Variants in NOS1 observed in about 807,000 individuals in gnomAD.
NOS1 encodes nitric oxide synthase 1.
NOS1 carries 51 observed loss-of-function variants against 164.5 expected under a neutral mutation model. The observed-to-expected ratio is 0.31, with a 90% CI of 0.25 to 0.39. NOS1 has a LOEUF of 0.39. NOS1 is among the 10% of genes least tolerant of loss of function. The pLI, the probability that NOS1 is intolerant of heterozygous loss-of-function variation, is 1.00. For missense variants in NOS1, 1,362 were observed against 1,885.6 expected, an observed-to-expected ratio of 0.72 and a Z score of 5.14; for synonymous variants, 719 against 745.8, an observed-to-expected ratio of 0.96 and a Z score of 0.59.
intron 3 of NOS1, among the ~76,000 whole-genome samples, chr12:117,290,785 T>C (rs1872998693): frequency 6.6e-6 from 1 of 152,104 alleles, no homozygotes; most frequent in South Asian, 2.1e-4. Context: ...ATCAGCCTCT[T>C]TGAATGATAA....
chr12:117,224,155 C>G (rs1868433435), intron 25 of NOS1, among the ~76,000 whole-genome samples: 1 of 152,182 alleles, frequency 6.6e-6, no homozygotes, highest in South Asian at 2.1e-4. Context: ...ATAATCATCC[C>G]TCAAATCAAT....
rs774790706 is a variant in NOS1, at chr12:117,208,472, C to A, written c.*6837G>T. 7.9e-7 allele frequency: 1 copy of A among 1,271,124 alleles called. No individual in the cohort carries two copies. Among genetic ancestry groups the A allele is most frequent in the East Asian group, 5.6e-5 (1 of 17,710 alleles). The allele number at this position is 1,271,124 out of a possible 1,614,324, so 78.7% of individuals were successfully genotyped here. On this transcript the variant is annotated 3_prime_UTR_variant, in exon 29 of 29. Coordinates refer to ENST00000317775, the MANE Select transcript of NOS1 (RefSeq NM_000620.5). ...CCTCCCCAGCTTCCCAAGCCCGGAA[C>A]GGACACTGCGACGTGGGGTGCCCGG...
Position 117,330,319 on chromosome 12 carries a change from C to CAT in NOS1, c.725+25_725+26insAT. ...AAGCATGCACACACACACACACACACACACACACACCCCTGTGGAGCTTAC... is the reference window on the plus strand; with the variant it reads ...AAGCATGCACACACACACACACACACATACACACACACCCCTGTGGAGCTTAC... On this transcript the variant is annotated intron_variant, in intron 2 of 28. Coordinates refer to ENST00000317775, the MANE Select transcript of NOS1 (RefSeq NM_000620.5). The surrounding 1 kb of genome is among the most constrained non-coding windows in gnomAD (Gnocchi z 4.6). The CAT allele has an allele frequency of 6.3e-7, 1 of 1,592,284 alleles. No homozygotes were observed. The highest frequency in any genetic ancestry group is 8.6e-7 in the Non-Finnish European group (1 of 1,168,042).
intron 13 of NOS1, among the ~76,000 whole-genome samples, chr12:117,260,837 TC>T: frequency 6.6e-6 from 1 of 152,200 alleles, no homozygotes. Context: ...TTTTTTAACT[TC>T]TCTAGAGATA....
intron 16 of NOS1, 119 bp downstream of exon 16, chr12:117,258,278 C>T (rs968732930): frequency 3.0e-6 from 3 of 1,008,608 alleles, no homozygotes; most frequent in Non-Finnish European, 4.6e-6. Flanking sequence ...AGACCCATTA[C>T]AAATGGACTT....
At chr12:117,269,809 C>A (rs1872673076) in intron 10 of NOS1, among the ~76,000 whole-genome samples, 1 of 152,172 alleles carries the variant, frequency 6.6e-6, no homozygotes, top group South Asian at 2.1e-4. Context: ...AGTGCATCAT[C>A]TGCTTTCTAG....
chr12:117,215,438 C>CTTTTT (rs149003143), intron 28 of NOS1, 114 bp from the exon 29 acceptor site: 2 of 1,007,934 alleles, frequency 2.0e-6, no homozygotes, highest in Non-Finnish European at 2.5e-6. Flanking sequence ...TTGTCTCTTT[C>CTTTTT]TTTTTTTTTT....
At chr12:117,344,069 A>G (rs574417288) in intron 1 of NOS1, among the ~76,000 whole-genome samples, 1 of 152,306 alleles carries the variant, frequency 6.6e-6, no homozygotes, top group South Asian at 2.1e-4. Context: ...AAAGATCAAG[A>G]CTCTTCAATT....
At chr12:117,253,309 C>A (rs535954302) in intron 17 of NOS1, among the ~76,000 whole-genome samples, 13 of 151,940 alleles carry the variant, frequency 8.6e-5, no homozygotes, top group Non-Finnish European at 1.6e-4. Context: ...AAGTATACAC[C>A]GTAGCTATTG....
At chr12:117,263,717 C>T (rs1049473902) in intron 13 of NOS1, among the ~76,000 whole-genome samples, 172 bp downstream of exon 13, 5 of 151,678 alleles carry the variant, frequency 3.3e-5, no homozygotes, top group East Asian at 3.9e-4. Context: ...AGAGTTGGAA[C>T]GACATTCACA....
intron 20 of NOS1, among the ~76,000 whole-genome samples, chr12:117,236,134 G>A (rs1869687898): frequency 6.6e-6 from 1 of 152,104 alleles, no homozygotes; most frequent in African/African-American, 2.4e-5. Context: ...CTCGAGGATC[G>A]ATTACACTTT....
intron 1 of NOS1, among the ~76,000 whole-genome samples, chr12:117,358,196 T>G (rs1422706898): frequency 6.6e-6 from 1 of 152,226 alleles, no homozygotes; most frequent in Non-Finnish European, 1.5e-5. Flanking sequence ...CCTCCAAATC[T>G]TCCTGCCTCC....
At chr12:117,293,226 G>T (rs1341242098) in intron 3 of NOS1, among the ~76,000 whole-genome samples, 1 of 152,086 alleles carries the variant, frequency 6.6e-6, no homozygotes, top group African/African-American at 2.4e-5. Context: ...AAGAGTGCAG[G>T]CTGTGGCAGC....
rs912663660 is a variant in NOS1, at chr12:117,213,787, A to G, written c.*1522T>C. On this transcript the variant is annotated 3_prime_UTR_variant, in exon 29 of 29. Coordinates refer to ENST00000317775, the MANE Select transcript of NOS1 (RefSeq NM_000620.5). ...GGACCCTGCAGTCTGGGAGGCCACT[A>G]GGATTTCTTGTCTCTTTCTGGGAAC... The G allele has an allele frequency of 8.1e-6, 8 of 985,278 alleles. No homozygotes were observed. Among genetic ancestry groups the G allele is most frequent in the East Asian group, 2.3e-4 (2 of 8,820 alleles). 61.0% of individuals were successfully genotyped at this position (985,278 alleles called of 1,614,324 possible).
intron 1 of NOS1, among the ~76,000 whole-genome samples, chr12:117,339,134 C>A (rs75508384): frequency 0.023 from 3,575 of 152,284 alleles, 131 homozygotes; most frequent in African/African-American, 0.071. Context: ...TTCTCCCATG[C>A]CGGTAAGTCA....
At position 117,331,478 on chromosome 12, in the gene NOS1, A is replaced by G. The variant is rs771240807; in HGVS notation, c.-409T>C. The G allele has an allele frequency of 4.0e-5, 7 of 175,100 alleles. No individual in the cohort carries two copies. The highest frequency in any genetic ancestry group is 7.4e-5 in the Non-Finnish European group (6 of 81,370). The allele number at this position is 175,100 out of a possible 1,614,324, so 10.8% of individuals were successfully genotyped here. ...GCCTGTTAGATGCGGATCAGATCTG[A>G]GGCATCATGAGCTGAAGAGGAAGAA... is the stretch of plus-strand genomic sequence containing the variant. On this transcript the variant is annotated 5_prime_UTR_variant, in exon 2 of 29. Transcript: ENST00000317775.
intron 3 of NOS1, among the ~76,000 whole-genome samples, chr12:117,296,203 TAAACATATGA>T (rs748106745): frequency 1.3e-4 from 20 of 152,234 alleles, no homozygotes; most frequent in Non-Finnish European, 4.4e-5. Flanking sequence ...ATATGTTCAA[TAAACATATGA>T]GATCTGCATG....
chr12:117,334,869 G>A (rs1052756755), intron 1 of NOS1, among the ~76,000 whole-genome samples: 7 of 152,158 alleles, frequency 4.6e-5, no homozygotes, highest in East Asian at 3.9e-4. Flanking sequence ...CGCTTGTCCC[G>A]GTTTTTGAAT....
intron 17 of NOS1, among the ~76,000 whole-genome samples, chr12:117,252,576 G>C (rs1425078628): frequency 6.6e-6 from 1 of 152,194 alleles, no homozygotes; most frequent in African/African-American, 2.4e-5. Context: ...ATAATGATGT[G>C]TCATTGTAGG....
Sources: gnomAD v4.1 joint callset for allele counts (sites outside exome capture counted in the v4.1 genomes callset) on GRCh38, gnomAD v4.1.1 for gene constraint, Gnocchi (gnomAD v3.1) non-coding constraint, MANE v1.5 for transcripts, NCBI Gene and HGNC (gene_info 2026-07-23, HGNC 2026-07-21) for gene names.